Variants in TMEM178B observed in about 807,000 individuals in gnomAD.
The protein encoded by TMEM178B is transmembrane protein 178B.
Under a neutral mutation model 31.0 loss-of-function variants are expected in TMEM178B, and 5 were observed. The ratio of observed to expected loss-of-function variants is 0.16; its 90% CI spans 0.08 to 0.34. The LOEUF is 0.34. Among genes scored for constraint, TMEM178B ranks in the 10% least tolerant of loss-of-function variants. The pLI is 1.00. For missense variants in TMEM178B, 275 were observed against 400.3 expected (o/e 0.69, Z 2.67); for synonymous variants, 164 against 164.0 (o/e 1.00, Z 0.00).
chr7:141,283,794 A>G (rs1345110403), intron 2 of TMEM178B, among the ~76,000 whole-genome samples: 1 of 152,190 alleles, frequency 6.6e-6, no homozygotes, highest in African/African-American at 2.4e-5. Context: ...TGGGACCAGA[A>G]TGATCTTGAT....
At chr7:141,334,402 C>A (rs1192680169) in intron 2 of TMEM178B, among the ~76,000 whole-genome samples, 3 of 152,178 alleles carry the variant, frequency 2.0e-5, no homozygotes, top group Admixed American at 6.5e-5. Context: ...TCTGGTACTA[C>A]GTTTGTCTCA....
intron 3 of TMEM178B, among the ~76,000 whole-genome samples, chr7:141,449,402 A>G (rs1801821042): frequency 6.6e-6 from 1 of 152,034 alleles, no homozygotes; most frequent in Admixed American, 6.5e-5. Context: ...GGGGTTAAAG[A>G]CTGGTAAGAA....
chr7:141,125,073 C>G (rs1795468628), intron 1 of TMEM178B, among the ~76,000 whole-genome samples: 1 of 152,118 alleles, frequency 6.6e-6, no homozygotes, highest in Admixed American at 6.5e-5. Flanking sequence ...TTAATTGTTT[C>G]TTGTCCAAGG....
Position 141,356,650 on chromosome 7 carries a change from G to A in TMEM178B, c.497-80958G>A, listed in dbSNP as rs1469717145. Among the ~76,000 whole-genome samples the A allele has an allele frequency of 3.3e-5, 5 of 150,260 alleles. No homozygotes were observed. In the South Asian group the frequency reaches 8.5e-4, roughly 26 times the overall value. ...TGTCAGACCATAGTTGCGGGGTTGG[G>A]CGGGGGGGTGGTCTCTGCCTCAGGA... On this transcript the variant is annotated intron_variant, in intron 2 of 3. Transcript: ENST00000565468.
At chr7:141,349,951 CCATG>C (rs1799685954) in intron 2 of TMEM178B, among the ~76,000 whole-genome samples, 1 of 150,552 alleles carries the variant, frequency 6.6e-6, no homozygotes, top group African/African-American at 2.5e-5. Flanking sequence ...ATCCATGCAT[CCATG>C]CATCCATCCA....
At chr7:141,196,484 A>G (rs1179776563) in intron 1 of TMEM178B, among the ~76,000 whole-genome samples, 1 of 152,212 alleles carries the variant, frequency 6.6e-6, no homozygotes, top group East Asian at 1.9e-4. Context: ...AAGTCTTGAT[A>G]TAATCTGTTA....
chr7:141,322,314 G>A (rs1799113927), intron 2 of TMEM178B, among the ~76,000 whole-genome samples: 1 of 151,516 alleles, frequency 6.6e-6, no homozygotes, highest in Admixed American at 6.6e-5. Flanking sequence ...ACCACTTGAG[G>A]TCAGGAGTTC....
chr7:141,223,280 A>G (rs1431016257), intron 2 of TMEM178B, among the ~76,000 whole-genome samples: 1 of 152,140 alleles, frequency 6.6e-6, no homozygotes, highest in African/African-American at 2.4e-5. Flanking sequence ...ATACTGTATT[A>G]CTATCCCCTT....
intron 2 of TMEM178B, among the ~76,000 whole-genome samples, chr7:141,411,048 A>G (rs1800978513): frequency 6.6e-6 from 1 of 152,062 alleles, no homozygotes; most frequent in Admixed American, 6.5e-5. Context: ...GATGATTGCC[A>G]TTTTACTCGA....
At chr7:141,427,659 A>T (rs1019152271) in intron 2 of TMEM178B, among the ~76,000 whole-genome samples, 1 of 152,140 alleles carries the variant, frequency 6.6e-6, no homozygotes, top group Admixed American at 6.5e-5. Flanking sequence ...ATTTTTTTTT[A>T]TATGAGACCT....
At chr7:141,287,761 A>G (rs552448315) in intron 2 of TMEM178B, among the ~76,000 whole-genome samples, 1 of 152,324 alleles carries the variant, frequency 6.6e-6, no homozygotes, top group Non-Finnish European at 1.5e-5. Flanking sequence ...TCGGGGCCTG[A>G]ATAGTTGAAC....
chr7:141,398,189 T>C (rs1800691481), intron 2 of TMEM178B, among the ~76,000 whole-genome samples: 1 of 152,232 alleles, frequency 6.6e-6, no homozygotes, highest in South Asian at 2.1e-4. Context: ...AACTTTAGGA[T>C]ATTTAAGACC....
At chr7:141,325,816 G>GC (rs1468502177) in intron 2 of TMEM178B, among the ~76,000 whole-genome samples, 3 of 118,474 alleles carry the variant, frequency 2.5e-5, no homozygotes, top group Non-Finnish European at 3.5e-5. Flanking sequence ...ATGGAAGACA[G>GC]CCCTGGGAAA....
chr7:141,412,676 G>A (rs1269383200), intron 2 of TMEM178B, among the ~76,000 whole-genome samples: 9 of 152,224 alleles, frequency 5.9e-5, no homozygotes, highest in Non-Finnish European at 1.3e-4. Flanking sequence ...TGCCAGCGAC[G>A]TGCAGTGCTC....
chr7:141,367,410 G>A (rs2116559159), intron 2 of TMEM178B, among the ~76,000 whole-genome samples: 1 of 152,136 alleles, frequency 6.6e-6, no homozygotes, highest in East Asian at 1.9e-4. Context: ...GAGTACCTGG[G>A]ATTACAGGCA....
intron 1 of TMEM178B, among the ~76,000 whole-genome samples, chr7:141,182,524 A>C (rs1297618421): frequency 6.6e-6 from 1 of 152,226 alleles, no homozygotes; most frequent in East Asian, 1.9e-4. Context: ...GGCACAGTCC[A>C]TCTGGAATCA....
At chr7:141,135,714 T>C (rs1285359807) in intron 1 of TMEM178B, among the ~76,000 whole-genome samples, 2 of 152,036 alleles carry the variant, frequency 1.3e-5, no homozygotes, top group African/African-American at 4.8e-5. Context: ...TACCCAAACC[T>C]ATGGGTTACA....
At chr7:141,096,459 A>G (rs1794962341) in intron 1 of TMEM178B, among the ~76,000 whole-genome samples, 1 of 152,222 alleles carries the variant, frequency 6.6e-6, no homozygotes. Context: ...TGAAGATGGC[A>G]AAGCCTTGAG....
intron 2 of TMEM178B, among the ~76,000 whole-genome samples, chr7:141,338,637 G>T (rs1323905648): frequency 6.6e-6 from 1 of 152,182 alleles, no homozygotes; most frequent in Non-Finnish European, 1.5e-5. Flanking sequence ...TGGCTTAACT[G>T]TGAGTGAGTT....
Sources: gnomAD v4.1 joint callset for allele counts (sites outside exome capture counted in the v4.1 genomes callset) on GRCh38, gnomAD v4.1.1 for gene constraint, MANE v1.5 for transcripts, NCBI Gene and HGNC (gene_info 2026-07-23, HGNC 2026-07-21) for gene names.